ATP9B: variants seen among roughly 807,000 people sequenced by gnomAD.
ATP9B encodes ATPase phospholipid transporting 9B.
In ATP9B, 110 loss-of-function variants were observed where a neutral mutation model predicts 146.1. The ratio of observed to expected loss-of-function variants is 0.75; its 90% confidence interval spans 0.65 to 0.88. The LOEUF (loss-of-function observed/expected upper bound fraction) is 0.88. ATP9B is among the 40% of genes least tolerant of loss of function. The probability of loss-of-function intolerance (pLI) is 0.00; values close to 1 mark genes in which losing one functional copy is unlikely to be tolerated. For synonymous variants in ATP9B, 604 were observed against 569.7 expected (o/e 1.06, Z -0.86); for missense variants, 1,499 against 1,496.4 (o/e 1.00, Z -0.03).
At chr18:79,284,879 T>C (rs1338516558) in intron 13 of ATP9B, among the ~76,000 whole-genome samples, 2 of 151,984 alleles carry the variant, frequency 1.3e-5, no homozygotes, top group Non-Finnish European at 2.9e-5. Flanking sequence ...TGTTTGGTTT[T>C]TTGTTCTTGC....
At chr18:79,362,262 T>C (rs1172559461) in intron 26 of ATP9B, 1 of 152,240 alleles carries the variant, frequency 6.6e-6, no homozygotes, top group African/African-American at 2.4e-5. Flanking sequence ...TCTCACTTAT[T>C]GTCCTAATGA....
intron 12 of ATP9B, among the ~76,000 whole-genome samples, chr18:79,275,084 TC>T (rs2096293093): frequency 6.6e-6 from 1 of 152,144 alleles, no homozygotes; most frequent in Admixed American, 6.5e-5. Flanking sequence ...CTGACACTCT[TC>T]AAAACAGTAT....
intron 15 of ATP9B, among the ~76,000 whole-genome samples, chr18:79,324,518 G>A (rs2096733568): frequency 6.6e-6 from 1 of 152,122 alleles, no homozygotes; most frequent in South Asian, 2.1e-4. Context: ...CAGATGTCAA[G>A]CAGAAAAGGG....
chr18:79,082,306 A>G (rs898978698), intron 1 of ATP9B, among the ~76,000 whole-genome samples: 4 of 151,988 alleles, frequency 2.6e-5, no homozygotes, highest in Non-Finnish European at 4.4e-5. Flanking sequence ...AATTCCTCTA[A>G]CCTTTTTTCA....
chr18:79,341,446 CGTG>C (rs2096858396), intron 19 of ATP9B, among the ~76,000 whole-genome samples: 2 of 47,600 alleles, frequency 4.2e-5, no homozygotes, highest in South Asian at 1.3e-3. Flanking sequence ...ATGTGTGTAG[CGTG>C]ACCTCGTTGA....
intron 2 of ATP9B, among the ~76,000 whole-genome samples, chr18:79,104,748 C>CT (rs1178559178): frequency 2.9e-4 from 43 of 146,790 alleles, no homozygotes; most frequent in Non-Finnish European, 2.7e-4. Context: ...AAGTCTTTAT[C>CT]TTTTTTTTTT....
intron 8 of ATP9B, among the ~76,000 whole-genome samples, chr18:79,182,425 A>C (rs1222943028): frequency 6.6e-6 from 1 of 152,220 alleles, no homozygotes. Flanking sequence ...TGCAAATGCT[A>C]GCTGTCAGTT....
intron 10 of ATP9B, 141 bp from the exon 11 acceptor site, chr18:79,213,821 C>T: frequency 1.6e-6 from 1 of 633,364 alleles, no homozygotes; most frequent in South Asian, 2.8e-5. Context: ...TTGAATTAGC[C>T]AAATTAAATA....
intron 8 of ATP9B, among the ~76,000 whole-genome samples, chr18:79,181,436 A>G (rs1238587437): frequency 6.6e-6 from 1 of 151,868 alleles, no homozygotes; most frequent in East Asian, 1.9e-4. Context: ...TTCTGTCCAA[A>G]CCCCTCTGAG....
intron 9 of ATP9B, among the ~76,000 whole-genome samples, chr18:79,199,192 C>T (rs1418629515): frequency 2.0e-5 from 3 of 151,996 alleles, no homozygotes; most frequent in African/African-American, 7.2e-5. Context: ...ACCTCGTGAT[C>T]CATCTGCCTT....
intron 26 of ATP9B, among the ~76,000 whole-genome samples, chr18:79,366,954 G>T (rs1600431658): frequency 1.3e-5 from 2 of 152,356 alleles, no homozygotes; most frequent in African/African-American, 4.8e-5. Flanking sequence ...ACCCTGCACA[G>T]CAACCTAGAC....
At chr18:79,258,270 A>G (rs990570838) in intron 12 of ATP9B, among the ~76,000 whole-genome samples, 1 of 152,182 alleles carries the variant, frequency 6.6e-6, no homozygotes, top group African/African-American at 2.4e-5. Context: ...TCCAAAAAAC[A>G]AAAACAAAAA....
chr18:79,188,324 T>C (rs1349394187), intron 8 of ATP9B, among the ~76,000 whole-genome samples: 1 of 152,164 alleles, frequency 6.6e-6, no homozygotes, highest in Non-Finnish European at 1.5e-5. Context: ...GGAAAATGAA[T>C]TGTTCTACGT....
chr18:79,246,346 G>T (rs544342475), intron 11 of ATP9B, among the ~76,000 whole-genome samples: 1 of 151,428 alleles, frequency 6.6e-6, no homozygotes, highest in Non-Finnish European at 1.5e-5. Context: ...TGACTGTGCG[G>T]AGGGCACCGC....
chr18:79,257,846 G>A (rs985098441), intron 12 of ATP9B, among the ~76,000 whole-genome samples: 3 of 152,190 alleles, frequency 2.0e-5, no homozygotes, highest in African/African-American at 7.2e-5. Flanking sequence ...GTCACATGAT[G>A]TTCCTTTCAA....
rs770423292 is a variant in ATP9B at position 79,303,651 on chromosome 18, AC to A, written c.1461del (p.Val488CysfsTer36). On this transcript the variant is annotated frameshift_variant, in exon 14 of 30. Coordinates refer to ENST00000426216, the MANE Select transcript of ATP9B (RefSeq NM_198531.5). LOFTEE classifies it high-confidence loss of function. The part of the protein sequence containing the change: ...EMIFKRLHLG[T>X]VSYGADTMDE... ...GATATTTAAGCGGCTGCACCTGGGC[AC>A]CGTGTCCTATGGCGCCGACACGATG... 1.4e-5 allele frequency: 23 copies of A among 1,613,948 alleles called. No homozygotes were observed. The highest frequency in any genetic ancestry group is 1.9e-5 in the Non-Finnish European group (22 of 1,180,010).
chr18:79,118,778 T>G (rs2094138657), intron 4 of ATP9B, among the ~76,000 whole-genome samples: 1 of 152,080 alleles, frequency 6.6e-6, no homozygotes, highest in Admixed American at 6.6e-5. Flanking sequence ...TATTTACTGC[T>G]TAAGTATCGT....
chr18:79,299,065 G>T (rs1366399230), intron 13 of ATP9B, among the ~76,000 whole-genome samples: 1 of 152,128 alleles, frequency 6.6e-6, no homozygotes, highest in Non-Finnish European at 1.5e-5. Flanking sequence ...TTTCTGTCTT[G>T]ATGCCTGCTG....
At chr18:79,309,536 G>T (rs914948746) in intron 15 of ATP9B, among the ~76,000 whole-genome samples, 5 of 145,126 alleles carry the variant, frequency 3.4e-5, no homozygotes, top group Admixed American at 2.1e-4. Flanking sequence ...GAAGGTCAGG[G>T]GTGGTGGAGT....
Sources: allele counts gnomAD v4.1 joint callset (sites outside exome capture counted in the v4.1 genomes callset), GRCh38; gene constraint gnomAD v4.1.1; transcripts MANE v1.5; gene names NCBI Gene and HGNC (gene_info 2026-07-23, HGNC 2026-07-21).